ARHGEF3: variants seen among roughly 807,000 people sequenced by gnomAD.
The protein encoded by ARHGEF3 is Rho guanine nucleotide exchange factor 3.
In ARHGEF3, 28 loss-of-function variants were observed where a neutral mutation model predicts 63.2. That is an observed-to-expected ratio of 0.44 (90% CI 0.33 to 0.61). The LOEUF is 0.61. Among genes scored for constraint, ARHGEF3 ranks in the 20% least tolerant of loss-of-function variants. The pLI, the probability that ARHGEF3 is intolerant of heterozygous loss-of-function variation, is 0.03. For missense variants in ARHGEF3, 533 were observed against 659.3 expected (o/e 0.81, Z 2.10); for synonymous variants, 266 against 254.2 (o/e 1.05, Z -0.44).
At chr3:56,919,523 A>T (rs898032265) in intron 3 of ARHGEF3, among the ~76,000 whole-genome samples, 1 of 152,230 alleles carries the variant, frequency 6.6e-6, no homozygotes, top group Non-Finnish European at 1.5e-5. Flanking sequence ...AAGGAAATTA[A>T]CTCATTTAGC....
At chr3:56,776,481 T>C (rs115066155) in intron 1 of ARHGEF3, among the ~76,000 whole-genome samples, 1,995 of 152,288 alleles carry the variant, frequency 0.013, 46 homozygotes, top group African/African-American at 0.045. Flanking sequence ...TTACAGGTTA[T>C]TGGATCTATG....
At chr3:56,919,490 C>T (rs1468494580) in intron 3 of ARHGEF3, among the ~76,000 whole-genome samples, 4 of 152,206 alleles carry the variant, frequency 2.6e-5, no homozygotes, top group Non-Finnish European at 5.9e-5. Context: ...TGACCTCTTA[C>T]TGCAGAGCAT....
intron 2 of ARHGEF3, among the ~76,000 whole-genome samples, chr3:56,963,631 C>T (rs963280909): frequency 1.5e-4 from 23 of 152,138 alleles, no homozygotes; most frequent in African/African-American, 5.3e-4. Context: ...CGTCTTTTCT[C>T]GTTTTACCTC....
intron 1 of ARHGEF3, among the ~76,000 whole-genome samples, chr3:57,068,806 T>C (rs529055735): frequency 6.6e-6 from 1 of 152,224 alleles, no homozygotes; most frequent in South Asian, 2.1e-4. Flanking sequence ...CCCCTAACTT[T>C]CCATGTGCAC....
chr3:56,873,615 G>A (rs927593544), intron 4 of ARHGEF3, among the ~76,000 whole-genome samples: 1 of 152,016 alleles, frequency 6.6e-6, no homozygotes, highest in Non-Finnish European at 1.5e-5. Flanking sequence ...TCACTATATT[G>A]CCCAGGCTGT....
chr3:57,029,947 G>C (rs1703663038), intron 2 of ARHGEF3, among the ~76,000 whole-genome samples: 1 of 152,146 alleles, frequency 6.6e-6, no homozygotes, highest in South Asian at 2.1e-4. Flanking sequence ...AGTGAACAAA[G>C]CTACTAAAAA....
intron 8 of ARHGEF3, among the ~76,000 whole-genome samples, chr3:56,736,400 T>C (rs1277261703): frequency 2.6e-5 from 4 of 152,176 alleles, no homozygotes; most frequent in Admixed American, 6.5e-5. Flanking sequence ...AGGAAATGGG[T>C]ATCTATAGGT....
intron 4 of ARHGEF3, among the ~76,000 whole-genome samples, chr3:56,829,298 G>A (rs1374140769): frequency 1.2e-4 from 19 of 152,130 alleles, no homozygotes; most frequent in Admixed American, 1.2e-3. Context: ...GGCAGTGAAC[G>A]TGGGCTCTCA....
At chr3:56,738,908 T>C (rs920825804) in intron 7 of ARHGEF3, among the ~76,000 whole-genome samples, 7 of 151,750 alleles carry the variant, frequency 4.6e-5, no homozygotes, top group Non-Finnish European at 7.4e-5. Flanking sequence ...CTGGCCAACA[T>C]GGTGAACGCT....
At chr3:56,829,239 T>C (rs1252919189) in intron 4 of ARHGEF3, among the ~76,000 whole-genome samples, 1 of 152,164 alleles carries the variant, frequency 6.6e-6, no homozygotes, top group Non-Finnish European at 1.5e-5. Flanking sequence ...GACAGACTTT[T>C]ATATTGTACA....
chr3:56,918,136 C>A (rs998209474), intron 3 of ARHGEF3, among the ~76,000 whole-genome samples: 1 of 152,158 alleles, frequency 6.6e-6, no homozygotes, highest in Admixed American at 6.5e-5. Context: ...TAAATTTGAA[C>A]AAGCCTGTAA....
In ARHGEF3 at chr3:56,728,521, T is replaced by G. The variant is rs1385946533; in HGVS notation, c.*749A>C. 6.5e-6 allele frequency: 1 copy of G among 152,720 alleles called. No homozygotes were observed. Among genetic ancestry groups the G allele is most frequent in the Non-Finnish European group, 1.5e-5 (1 of 68,074 alleles). 9.5% of individuals were successfully genotyped at this position (152,720 alleles called of 1,614,324 possible). On this transcript the variant is annotated 3_prime_UTR_variant, in exon 10 of 10. Transcript: ENST00000296315. Reference sequence around the variant, plus strand: ...CCCTTTGGGTTCTATTCTGATGTTTTAGGCTAGCAACCAACTATGAGAGAC... The same window carrying G: ...CCCTTTGGGTTCTATTCTGATGTTTGAGGCTAGCAACCAACTATGAGAGAC...
intron 3 of ARHGEF3, chr3:56,939,832 T>G (rs1699089585): frequency 6.6e-6 from 1 of 152,200 alleles, no homozygotes; most frequent in Non-Finnish European, 1.5e-5. Flanking sequence ...AAGAATTTTG[T>G]AGGCAGGAAT....
chr3:56,972,562 A>G (rs1222254072), intron 2 of ARHGEF3, among the ~76,000 whole-genome samples: 1 of 151,918 alleles, frequency 6.6e-6, no homozygotes, highest in African/African-American at 2.4e-5. Context: ...GGAGTAGCTG[A>G]TATTTAGTAT....
At chr3:56,874,498 C>T (rs536588117) in intron 4 of ARHGEF3, among the ~76,000 whole-genome samples, 1 of 152,174 alleles carries the variant, frequency 6.6e-6, no homozygotes, top group South Asian at 2.1e-4. Flanking sequence ...AAATAAATCT[C>T]GCTGCTATTC....
At chr3:56,900,296 T>C (rs374859221) in intron 3 of ARHGEF3, among the ~76,000 whole-genome samples, 7 of 152,180 alleles carry the variant, frequency 4.6e-5, no homozygotes, top group Admixed American at 2.0e-4. Flanking sequence ...TCTAGATACC[T>C]TGATTGCAGA....
chr3:56,886,537 C>A (rs139796576), intron 3 of ARHGEF3, among the ~76,000 whole-genome samples: 1 of 152,168 alleles, frequency 6.6e-6, no homozygotes, highest in South Asian at 2.1e-4. Flanking sequence ...GAAGAAATCA[C>A]CAGTTGGAAA....
intron 1 of ARHGEF3, among the ~76,000 whole-genome samples, chr3:57,057,916 G>C (rs1006755981): frequency 1.3e-5 from 2 of 152,174 alleles, no homozygotes; most frequent in African/African-American, 2.4e-5. Context: ...GAGAGTTGAG[G>C]AGGGGCCACT....
At chr3:57,004,229 T>A (rs1286958632) in intron 2 of ARHGEF3, among the ~76,000 whole-genome samples, 1 of 152,230 alleles carries the variant, frequency 6.6e-6, no homozygotes, top group Non-Finnish European at 1.5e-5. Flanking sequence ...CACAACTGGT[T>A]ACAAAACCCA....
Sources: gnomAD v4.1 joint callset for allele counts (sites outside exome capture counted in the v4.1 genomes callset) on GRCh38, gnomAD v4.1.1 for gene constraint, MANE v1.5 for transcripts, NCBI Gene and HGNC (gene_info 2026-07-23, HGNC 2026-07-21) for gene names.